Variants in FRMD3 observed in about 807,000 individuals in gnomAD.
FRMD3 encodes FERM domain containing 3.
Under a neutral mutation model 70.2 loss-of-function variants are expected in FRMD3, and 33 were observed. The ratio of observed to expected loss-of-function variants is 0.47; its 90% CI spans 0.36 to 0.63. FRMD3 has a LOEUF of 0.63. FRMD3 is among the 20% of genes least tolerant of loss of function. The pLI is 0.00. For synonymous variants in FRMD3, 279 were observed against 255.9 expected, an observed-to-expected ratio of 1.09 and a Z score of -0.86; for missense variants, 632 against 711.4, an observed-to-expected ratio of 0.89 and a Z score of 1.27.
chr9:83,550,761 G>C, the FRMD3 span, among the ~76,000 whole-genome samples: 2 of 150,264 alleles, frequency 1.3e-5, no homozygotes, highest in African/African-American at 4.9e-5. Context: ...TTGTCTTTCT[G>C]ATTTGGCTCT....
At chr9:83,310,741 T>G (rs936066112) in intron 8 of FRMD3, among the ~76,000 whole-genome samples, 193 bp from the exon 9 acceptor site, 2 of 152,302 alleles carry the variant, frequency 1.3e-5, no homozygotes, top group African/African-American at 2.4e-5. Flanking sequence ...CAAGAGAGGA[T>G]CCGCACAGAG....
intron 1 of FRMD3, among the ~76,000 whole-genome samples, chr9:83,466,353 A>G (rs1212544151): frequency 6.6e-6 from 1 of 152,236 alleles, no homozygotes; most frequent in African/African-American, 2.4e-5. Context: ...CTGGCAACAA[A>G]GACTGCCTAC....
chr9:83,307,387 T>C (rs1037423229), intron 10 of FRMD3, among the ~76,000 whole-genome samples: 1 of 152,236 alleles, frequency 6.6e-6, no homozygotes, highest in Non-Finnish European at 1.5e-5. Context: ...TTACTCATAG[T>C]AGCTAAAAAG....
chr9:83,338,497 G>A (rs1240219945), intron 5 of FRMD3, among the ~76,000 whole-genome samples: 1 of 152,152 alleles, frequency 6.6e-6, no homozygotes, highest in Admixed American at 6.5e-5. Context: ...GGGACAGCTA[G>A]ATAAGTAAAA....
At chr9:83,427,961 C>T (rs1398518469) in intron 1 of FRMD3, among the ~76,000 whole-genome samples, 1 of 152,086 alleles carries the variant, frequency 6.6e-6, no homozygotes, top group African/African-American at 2.4e-5. Context: ...CATAAGTAAG[C>T]GCGACCAGTT....
chr9:83,489,016 G>GTT (rs1828754350), intron 1 of FRMD3, among the ~76,000 whole-genome samples: 1 of 96,404 alleles, frequency 1.0e-5, no homozygotes, highest in African/African-American at 3.7e-5. Flanking sequence ...GTGTGTGTGT[G>GTT]CTTGTGTGTG....
intron 3 of FRMD3, among the ~76,000 whole-genome samples, chr9:83,367,624 T>C (rs7847924): frequency 0.65 from 99,357 of 152,156 alleles, 32,851 homozygotes; most frequent in African/African-American, 0.71. Context: ...CCAGAAGATA[T>C]TCCTAATTAA....
chr9:83,551,317 G>A, the FRMD3 span, among the ~76,000 whole-genome samples: 1 of 152,160 alleles, frequency 6.6e-6, no homozygotes, highest in Admixed American at 6.5e-5. Flanking sequence ...GCATCCTGGG[G>A]ATGAAGCCTA....
intron 13 of FRMD3, among the ~76,000 whole-genome samples, chr9:83,249,246 G>A (rs1009866461): frequency 3.9e-5 from 6 of 152,082 alleles, no homozygotes; most frequent in Non-Finnish European, 8.8e-5. Flanking sequence ...TAGTTCATTT[G>A]CTATAGATAG....
At chr9:83,290,846 G>T in intron 12 of FRMD3, 119 bp from the exon 13 acceptor site, 1 of 1,030,486 alleles carries the variant, frequency 9.7e-7, no homozygotes, top group Non-Finnish European at 1.4e-6. Context: ...CAGACACAGT[G>T]AATTGAGCCA....
At chr9:83,301,534 A>AAG (rs1834928562) in intron 10 of FRMD3, among the ~76,000 whole-genome samples, 1 of 151,960 alleles carries the variant, frequency 6.6e-6, no homozygotes, top group South Asian at 2.1e-4. Flanking sequence ...TTAAAAAAAA[A>AAG]AAAAGATTGA....
chr9:83,568,854 A>T, the FRMD3 span, among the ~76,000 whole-genome samples: 3 of 152,152 alleles, frequency 2.0e-5, no homozygotes, highest in Non-Finnish European at 4.4e-5. Flanking sequence ...ATCATGCCAC[A>T]TTGATCTATA....
intron 1 of FRMD3, among the ~76,000 whole-genome samples, chr9:83,510,352 A>T (rs565305615): frequency 3.3e-5 from 5 of 152,304 alleles, no homozygotes; most frequent in Admixed American, 2.6e-4. Context: ...GGATGACTAC[A>T]CTCAAAAAGT....
chr9:83,467,295 C>T (rs1401853015), intron 1 of FRMD3, among the ~76,000 whole-genome samples: 1 of 152,196 alleles, frequency 6.6e-6, no homozygotes, highest in Non-Finnish European at 1.5e-5. Flanking sequence ...GAGTTGAGGG[C>T]TGTTGTCTGT....
chr9:83,566,264 T>A, the FRMD3 span, among the ~76,000 whole-genome samples: 1 of 152,162 alleles, frequency 6.6e-6, no homozygotes, highest in Non-Finnish European at 1.5e-5. Flanking sequence ...CTTGTGAGAC[T>A]TCCCCACTCT....
At chr9:83,576,418 A>G in the FRMD3 span, among the ~76,000 whole-genome samples, 2 of 152,182 alleles carry the variant, frequency 1.3e-5, no homozygotes. Context: ...ATCTACAAGA[A>G]AGCCCACAGC....
intron 13 of FRMD3, among the ~76,000 whole-genome samples, chr9:83,249,365 T>C (rs1469027969): frequency 1.3e-5 from 2 of 152,188 alleles, no homozygotes; most frequent in Non-Finnish European, 2.9e-5. Flanking sequence ...TCGAGTTACC[T>C]ATGGTCAGAC....
chr9:83,323,497 G>T (rs546828734), intron 6 of FRMD3, among the ~76,000 whole-genome samples: 66 of 152,266 alleles, frequency 4.3e-4, no homozygotes, highest in Non-Finnish European at 7.8e-4. Flanking sequence ...AGAGGTGATT[G>T]ATTTCGTGAG....
At chr9:83,272,423 G>T (rs1364970753) in intron 13 of FRMD3, among the ~76,000 whole-genome samples, 4 of 152,244 alleles carry the variant, frequency 2.6e-5, no homozygotes, top group Non-Finnish European at 5.9e-5. Flanking sequence ...TGTTGCCCAG[G>T]CTGGAGTGCA....
Sources: gnomAD v4.1 joint callset for allele counts (sites outside exome capture counted in the v4.1 genomes callset) on GRCh38, gnomAD v4.1.1 for gene constraint, MANE v1.5 for transcripts, NCBI Gene and HGNC (gene_info 2026-07-23, HGNC 2026-07-21) for gene names.